UGT1A4: variants seen among roughly 807,000 people sequenced by gnomAD.
UGT1A4 encodes the protein UDP glucuronosyltransferase family 1 member A4.
UGT1A4 carries 32 observed loss-of-function variants against 41.1 expected under a neutral mutation model. That is an observed-to-expected ratio of 0.78 (90% CI 0.59 to 1.05). The LOEUF is 1.05. Ranked by LOEUF, UGT1A4 falls within the 50% of genes least tolerant of loss-of-function variation. The pLI, the probability that UGT1A4 is intolerant of heterozygous loss-of-function variation, is 0.00. For missense variants in UGT1A4, 748 were observed against 677.4 expected, an observed-to-expected ratio of 1.10 and a Z score of -1.16; for synonymous variants, 283 against 265.1, an observed-to-expected ratio of 1.07 and a Z score of -0.66.
At chr2:233,744,517 G>A (rs1213288029) in intron 1 of UGT1A4, among the ~76,000 whole-genome samples, 1 of 151,928 alleles carries the variant, frequency 6.6e-6, no homozygotes, top group African/African-American at 2.4e-5. Context: ...TGACACAATA[G>A]CAAATCTTAT....
intron 1 of UGT1A4, among the ~76,000 whole-genome samples, chr2:233,724,143 G>C: frequency 8.2e-6 from 1 of 122,326 alleles, no homozygotes; most frequent in African/African-American, 3.7e-5. Flanking sequence ...GGACGGGGCG[G>C]CTGGCCGGGT....
chr2:233,760,737 G>A (rs561827445), intron 1 of UGT1A4: 10 of 1,614,138 alleles, frequency 6.2e-6, no homozygotes, highest in South Asian at 4.4e-5. Context: ...TCATGCTGAC[G>A]GACCCTTTCC....
rs553351524 is a variant in UGT1A4, at chr2:233,769,411, G to A, written c.1307+972G>A. ...ATACTGTGTGCATATGTGCGTGTGC[G>A]TTTGTGCATGTGGCTGTGCTCATGT... is the stretch of plus-strand genomic sequence containing the variant. On this transcript the variant is annotated intron_variant, in intron 4 of 4. Coordinates refer to ENST00000373409, the MANE Select transcript of UGT1A4 (RefSeq NM_007120.3). This position sits in a 1 kb window ranked among gnomAD's most constrained non-coding sequence, Gnocchi z 4.4. 25 of 1,356,294 alleles carry A rather than the reference G, an allele frequency of 1.8e-5. No individual in the cohort carries two copies. The highest frequency in any genetic ancestry group is 8.6e-5 in the African/African-American group (6 of 69,942). The allele number at this position is 1,356,294 out of a possible 1,614,324, so 84.0% of individuals were successfully genotyped here. A position where few individuals can be genotyped will look rare whatever the true frequency, so the allele number is the denominator to read the frequency against.
chr2:233,756,970 G>T (rs550793027), intron 1 of UGT1A4, among the ~76,000 whole-genome samples: 8 of 152,064 alleles, frequency 5.3e-5, no homozygotes, highest in African/African-American at 1.7e-4. Context: ...TGGTAAGCAC[G>T]CAATGAACAG....
chr2:233,760,983 C>T (rs752251675), intron 1 of UGT1A4: 4 of 1,614,060 alleles, frequency 2.5e-6, no homozygotes, highest in Non-Finnish European at 8.5e-7. Flanking sequence ...CGTATGCAAC[C>T]CTTGCCTCAG....
chr2:233,747,590 G>A, intron 1 of UGT1A4: 3 of 1,576,970 alleles, frequency 1.9e-6, no homozygotes, highest in Non-Finnish European at 2.6e-6. Context: ...TCTTTCATAG[G>A]TCTTGTGTGG....
chr2:233,767,912 T>A lies in UGT1A4; in HGVS notation c.1063T>A (p.Trp355Arg), dbSNP rs1559414817. The change falls in exon 3 of 5, where the codon TGG (tryptophan) becomes AGG (arginine). Residue 355 changes from tryptophan (W) to arginine (R), a missense_variant. Physicochemically the swap from Trp to Arg is moderately radical, Grantham distance 101. Coordinates refer to ENST00000373409, the MANE Select transcript of UGT1A4 (RefSeq NM_007120.3). ...TGCGAACAACACGATACTTGTTAAG[T>A]GGCTACCCCAAAACGATCTGCTTGG... is the stretch of plus-strand genomic sequence containing the variant. The part of the protein sequence containing the change: ...NLANNTILVK[W>R]LPQNDLLGHP... The A allele has an allele frequency of 2.5e-6, 4 of 1,614,202 alleles. No homozygotes were observed. Among genetic ancestry groups the A allele is most frequent in the Non-Finnish European group, 3.4e-6 (4 of 1,180,044 alleles).
In UGT1A4 at chr2:233,757,558, ATATG is replaced by A. The variant is rs1023713263; in HGVS notation, c.868-9472_868-9469del. Among the ~76,000 whole-genome samples, 45 of 124,442 alleles carry A rather than the reference ATATG, an allele frequency of 3.6e-4. 2 individuals are homozygous for A. The highest frequency in any genetic ancestry group is 1.4e-3 in the African/African-American group (42 of 30,270). 81.6% of individuals were successfully genotyped at this position (124,442 alleles called of 152,430 possible). On this transcript the variant is annotated intron_variant, in intron 1 of 4. Coordinates refer to ENST00000373409, the MANE Select transcript of UGT1A4 (RefSeq NM_007120.3). ...GGAATATATATATATATATATATAT[ATATG>A]TATATATGATATAGCTATAGTCTAA...
intron 1 of UGT1A4, among the ~76,000 whole-genome samples, chr2:233,765,948 C>T (rs1314751958): frequency 6.6e-6 from 1 of 152,116 alleles, no homozygotes; most frequent in African/African-American, 2.4e-5. Context: ...GCTCTGACCT[C>T]ACCGGCAGTG....
chr2:233,730,165 G>T (rs142374428), intron 1 of UGT1A4, among the ~76,000 whole-genome samples: 1 of 152,156 alleles, frequency 6.6e-6, no homozygotes. Context: ...CTCTAGTAGC[G>T]TATTTCAGGT....
In UGT1A4 at chr2:233,747,728, T is replaced by C. The variant is rs1488461574; in HGVS notation, c.868-19306T>C. 2.5e-6 allele frequency: 4 copies of C among 1,613,386 alleles called. No homozygotes were observed. In the African/African-American group the frequency reaches 4.0e-5, roughly 16 times the overall value. Reference sequence around the variant, plus strand: ...ACCTATCAATTCCTGCTGTGTTTTTTTTGAGGAACATTCCATGTGATTTAG... The same window carrying C: ...ACCTATCAATTCCTGCTGTGTTTTTCTTGAGGAACATTCCATGTGATTTAG... On this transcript the variant is annotated intron_variant, in intron 1 of 4. Coordinates refer to ENST00000373409, the MANE Select transcript of UGT1A4 (RefSeq NM_007120.3).
chr2:233,729,468 G>A lies in UGT1A4; in HGVS notation c.867+9781G>A, dbSNP rs28898619. ...TTCTGAAGAAATTTTTCAGAAGTAT[G>A]GCAATGTTGAACAATATGTCTTTGG... On this transcript the variant is annotated intron_variant, in intron 1 of 4. Coordinates refer to ENST00000373409, the MANE Select transcript of UGT1A4 (RefSeq NM_007120.3). 1.9e-3 allele frequency: 3,095 copies of A among 1,614,142 alleles called. 65 individuals are homozygous for A. The African/African-American group carries it at 0.037, about 19-fold the overall frequency.
chr2:233,747,561 T>A (rs1440337169), intron 1 of UGT1A4: 2 of 1,596,952 alleles, frequency 1.3e-6, no homozygotes, highest in Non-Finnish European at 1.7e-6. Context: ...TATGGCAATT[T>A]TGAAAAATTC....
rs186747767 is a variant in UGT1A4 at position 233,742,893 on chromosome 2, C to T, written c.867+23206C>T. ...AACCACCTGGCTCACACTTTCCCAA[C>T]GGAAAAAGGTAATGCTCAAAGTGCT... On this transcript the variant is annotated intron_variant, in intron 1 of 4. Transcript: ENST00000373409. The T allele has an allele frequency of 2.6e-3, 421 of 164,252 alleles. 10 individuals carry two copies. The highest frequency in any genetic ancestry group is 8.8e-3 in the African/African-American group (363 of 41,448). 10.2% of individuals were successfully genotyped at this position (164,252 alleles called of 1,614,324 possible). A position where few individuals can be genotyped will look rare whatever the true frequency, so the allele number is the denominator to read the frequency against.
chr2:233,765,570 C>A (rs371639452), intron 1 of UGT1A4, among the ~76,000 whole-genome samples: 1 of 151,792 alleles, frequency 6.6e-6, no homozygotes, highest in Non-Finnish European at 1.5e-5. Flanking sequence ...AATGCGTAGA[C>A]GCAGGGAGGG....
intron 1 of UGT1A4, chr2:233,753,090 C>T (rs1182840596): frequency 2.0e-5 from 3 of 152,216 alleles, no homozygotes; most frequent in Non-Finnish European, 4.4e-5. Flanking sequence ...TATTCCTGAA[C>T]GGCTCCATAA....
Position 233,768,349 on chromosome 2 carries a change from A to T in UGT1A4, c.1217A>T (p.Glu406Val), listed in dbSNP as rs1699604029. The change falls in exon 4 of 5, where the codon GAG becomes GTG. Residue 406 changes from glutamate to valine, a missense_variant. By Grantham distance (121) the Glu-to-Val change is moderately radical. Coordinates refer to ENST00000373409, the MANE Select transcript of UGT1A4 (RefSeq NM_007120.3). The stretch of plus-strand genomic sequence containing the variant: ...CAGATGGACAATGCAAAGCGCATGG[A>T]GACTAAGGGAGCTGGAGTGACCCTG... Reference protein sequence around the residue: ...GDQMDNAKRMETKGAGVTLNV... With the variant: ...GDQMDNAKRMVTKGAGVTLNV... The T allele has an allele frequency of 1.2e-6, 2 of 1,614,182 alleles. No homozygotes were observed. Among genetic ancestry groups the T allele is most frequent in the Non-Finnish European group, 8.5e-7 (1 of 1,180,036 alleles).
chr2:233,725,192 A>G lies in UGT1A4; in HGVS notation c.867+5505A>G, dbSNP rs1239126007. On this transcript the variant is annotated intron_variant, in intron 1 of 4. Coordinates refer to ENST00000373409, the MANE Select transcript of UGT1A4 (RefSeq NM_007120.3). ...GGAGACCGTGGGGAGAGGCAGAGGC[A>G]GAGGCAGAGGCAGAGGCAGAGGCAG... is the stretch of plus-strand genomic sequence containing the variant. Among the ~76,000 whole-genome samples, 60 of 84,600 alleles carry G rather than the reference A, an allele frequency of 7.1e-4. 1 individual carries two copies. The highest frequency in any genetic ancestry group is 0.011 in the Middle Eastern group (2 of 180). The allele number at this position is 84,600 out of a possible 152,430, so 55.5% of individuals were successfully genotyped here.
intron 1 of UGT1A4, chr2:233,753,549 G>A (rs917906556): frequency 6.6e-6 from 1 of 152,150 alleles, no homozygotes; most frequent in Admixed American, 6.5e-5. Flanking sequence ...TTCCTCAGAG[G>A]TGACCCTAGA....
Sources: gnomAD v4.1 joint callset for allele counts (sites outside exome capture counted in the v4.1 genomes callset) on GRCh38, gnomAD v4.1.1 for gene constraint, Gnocchi (gnomAD v3.1) non-coding constraint, MANE v1.5 for transcripts, NCBI Gene and HGNC (gene_info 2026-07-23, HGNC 2026-07-21) for gene names.